RAP1GAP2: variants seen among roughly 807,000 people sequenced by gnomAD.
RAP1GAP2 encodes RAP1 GTPase activating protein 2.
Under a neutral mutation model 95.0 loss-of-function variants are expected in RAP1GAP2, and 27 were observed. The ratio of observed to expected loss-of-function variants is 0.28; its 90% CI spans 0.21 to 0.39. RAP1GAP2 has a LOEUF of 0.39. Ranked by LOEUF, RAP1GAP2 falls within the 10% of genes least tolerant of loss-of-function variation. RAP1GAP2 has a pLI of 1.00. For missense variants in RAP1GAP2, 771 were observed against 970.0 expected (o/e 0.79, Z 2.72); for synonymous variants, 373 against 380.9 (o/e 0.98, Z 0.24).
chr17:2,827,024 AAGAAAGAAAGAGAGAG>A lies in RAP1GAP2; in HGVS notation c.80+26486_80+26501del, dbSNP rs1250202066. Among the ~76,000 whole-genome samples, 1 of 146,022 alleles carries A rather than the reference AAGAAAGAAAGAGAGAG, an allele frequency of 6.8e-6. No homozygotes were observed. The highest frequency in any genetic ancestry group is 1.5e-5 in the Non-Finnish European group (1 of 67,870). ...CGTTTCGAGAGAGAGAGAGGAGAGAAAGAAAGAAAGAGAGAGAGAAAGAAAGAAAGAGAAAGTCCCA... is the reference window on the plus strand; with the variant it reads ...CGTTTCGAGAGAGAGAGAGGAGAGAAAGAAAGAAAGAAAGAGAAAGTCCCA... On this transcript the variant is annotated intron_variant, in intron 2 of 24. Coordinates refer to ENST00000254695, the MANE Select transcript of RAP1GAP2 (RefSeq NM_015085.5). This position sits in a 1 kb window ranked among gnomAD's most constrained non-coding sequence, Gnocchi z 4.1.
At position 2,897,111 on chromosome 17, in the gene RAP1GAP2, T is replaced by C. The variant is rs1041961275; in HGVS notation, c.81-8173T>C. On this transcript the variant is annotated intron_variant, in intron 2 of 24. Coordinates refer to ENST00000254695, the MANE Select transcript of RAP1GAP2 (RefSeq NM_015085.5). ...CAGCGCTTTGGGAGGCTGAGGCGGG[T>C]AGATCGCCTGAGGTCAGGAGTTCGA... Among the ~76,000 whole-genome samples, 251 of 151,908 alleles carry C rather than the reference T, an allele frequency of 1.7e-3. 1 individual carries two copies. Among genetic ancestry groups the C allele is most frequent in the Non-Finnish European group, 1.6e-3 (106 of 67,908 alleles).
At chr17:2,924,894 G>A (rs776556243) in intron 3 of RAP1GAP2, among the ~76,000 whole-genome samples, 1 of 152,158 alleles carries the variant, frequency 6.6e-6, no homozygotes, top group Non-Finnish European at 1.5e-5. Flanking sequence ...GGGGCTAGTG[G>A]GTGGCCCAGG....
At chr17:2,900,139 C>T (rs1335173688) in intron 2 of RAP1GAP2, among the ~76,000 whole-genome samples, 1 of 152,138 alleles carries the variant, frequency 6.6e-6, no homozygotes, top group Non-Finnish European at 1.5e-5. Flanking sequence ...TTGGGAGAAC[C>T]CCGTGTGGAG....
Position 3,005,281 on chromosome 17 carries a change from G to T in RAP1GAP2, c.1201-88G>T. On this transcript the variant is annotated intron_variant, in intron 14 of 24. Coordinates refer to ENST00000254695, the MANE Select transcript of RAP1GAP2 (RefSeq NM_015085.5). This position sits in a 1 kb window ranked among gnomAD's most constrained non-coding sequence, Gnocchi z 5.2. ...TTCTGGGAAGAGGAGGAGGGAGAAGGTGAGTAGCTTTGTAAGGAGCGTGGC... is the reference window on the plus strand; with the variant it reads ...TTCTGGGAAGAGGAGGAGGGAGAAGTTGAGTAGCTTTGTAAGGAGCGTGGC... 7.9e-7 allele frequency: 1 copy of T among 1,262,246 alleles called. No homozygotes were observed. Among genetic ancestry groups the T allele is most frequent in the Non-Finnish European group, 1.2e-6 (1 of 859,280 alleles). The allele number at this position is 1,262,246 out of a possible 1,614,324, so 78.2% of individuals were successfully genotyped here. A position where few individuals can be genotyped will look rare whatever the true frequency, so the allele number is the denominator to read the frequency against.
intron 3 of RAP1GAP2, among the ~76,000 whole-genome samples, chr17:2,927,355 G>A (rs546200797): frequency 4.6e-3 from 702 of 151,444 alleles, no homozygotes; most frequent in East Asian, 6.9e-3. Context: ...GGGTTTCACC[G>A]TGTTAGCCAG....
At position 2,797,564 on chromosome 17, in the gene RAP1GAP2, G is replaced by T; in HGVS notation, c.44+993G>T. On this transcript the variant is annotated intron_variant, in intron 1 of 24. Coordinates refer to ENST00000254695, the MANE Select transcript of RAP1GAP2 (RefSeq NM_015085.5). This position sits in a 1 kb window ranked among gnomAD's most constrained non-coding sequence, Gnocchi z 5.6. ...TGGCACGAAGGGCGAGGGGGAGAGG[G>T]GCTGTGTTCCTCGGTAATTTTTCGC... The T allele has an allele frequency of 6.1e-6, 2 of 330,228 alleles. No homozygotes were observed. Among genetic ancestry groups the T allele is most frequent in the South Asian group, 2.4e-4 (2 of 8,236 alleles). 20.5% of individuals were successfully genotyped at this position (330,228 alleles called of 1,614,324 possible).
Position 2,942,935 on chromosome 17 carries a change from A to C in RAP1GAP2, c.166-14824A>C, listed in dbSNP as rs1402299073. On this transcript the variant is annotated intron_variant, in intron 3 of 24. Coordinates refer to ENST00000254695, the MANE Select transcript of RAP1GAP2 (RefSeq NM_015085.5). Reference sequence around the variant, plus strand: ...GGCACTCACCACCCACGCCTAGCTAATTTTTGTATTTTTAGTAGAGATGGG... The same window carrying C: ...GGCACTCACCACCCACGCCTAGCTACTTTTTGTATTTTTAGTAGAGATGGG... 2.0e-5 allele frequency among the ~76,000 whole-genome samples: 3 copies of C among 151,790 alleles called. No homozygotes were observed. The East Asian group carries it at 5.8e-4, about 29-fold the overall frequency.
intron 2 of RAP1GAP2, among the ~76,000 whole-genome samples, chr17:2,810,405 C>T (rs1211406249): frequency 1.3e-5 from 2 of 150,350 alleles, no homozygotes; most frequent in East Asian, 4.0e-4. Flanking sequence ...TACATGTGCA[C>T]AACATGCAGG....
At chr17:3,017,957 A>T in intron 17 of RAP1GAP2, 104 bp from the exon 18 acceptor site, 1 of 1,078,142 alleles carries the variant, frequency 9.3e-7, no homozygotes, top group Non-Finnish European at 1.3e-6. Context: ...GTATGTGTGC[A>T]CGCATACGTG....
chr17:2,995,307 TC>T, intron 12 of RAP1GAP2, 29 bp from the exon 13 acceptor site: 1 of 1,608,910 alleles, frequency 6.2e-7, no homozygotes, highest in Non-Finnish European at 8.5e-7. Flanking sequence ...CTCTCTTTTC[TC>T]CCCATCTCCT....
At chr17:2,887,572 A>T (rs1359026835) in intron 2 of RAP1GAP2, among the ~76,000 whole-genome samples, 1 of 147,502 alleles carries the variant, frequency 6.8e-6, no homozygotes, top group African/African-American at 2.5e-5. Context: ...AATGGGTTTC[A>T]CCATGTTAGC....
At chr17:2,914,651 C>T (rs925344298) in intron 3 of RAP1GAP2, among the ~76,000 whole-genome samples, 15 of 151,736 alleles carry the variant, frequency 9.9e-5, no homozygotes, top group African/African-American at 2.2e-4. Context: ...CCACCACGCC[C>T]GGCAAATTTT....
intron 2 of RAP1GAP2, among the ~76,000 whole-genome samples, chr17:2,896,057 G>A (rs944321783): frequency 6.6e-6 from 1 of 152,076 alleles, no homozygotes; most frequent in Non-Finnish European, 1.5e-5. Context: ...GCCTAGATCA[G>A]CCGTTGCCTC....
intron 3 of RAP1GAP2, among the ~76,000 whole-genome samples, chr17:2,905,789 C>T (rs573711112): frequency 3.4e-4 from 52 of 152,276 alleles, no homozygotes; most frequent in East Asian, 1.9e-4. Context: ...GGCCTGTTCA[C>T]GGCAGTCCCC....
rs181583366 is a variant in RAP1GAP2 at position 3,025,339 on chromosome 17, T to C, written c.1752-669T>C. ...TTGCAGCAATCCAAGATCGCACCACTGCACTCCAGCCTGGGCAACAGAGCG... is the reference window on the plus strand; with the variant it reads ...TTGCAGCAATCCAAGATCGCACCACCGCACTCCAGCCTGGGCAACAGAGCG... On this transcript the variant is annotated intron_variant, in intron 19 of 24. Transcript: ENST00000254695. Among the ~76,000 whole-genome samples, 8 of 152,302 alleles carry C rather than the reference T, an allele frequency of 5.3e-5. No individual in the cohort carries two copies. In the East Asian group the frequency reaches 9.6e-4, roughly 18 times the overall value.
chr17:2,956,873 A>T (rs1294456648), intron 3 of RAP1GAP2, among the ~76,000 whole-genome samples: 1 of 152,210 alleles, frequency 6.6e-6, no homozygotes, highest in Non-Finnish European at 1.5e-5. Context: ...TCACGCCTGT[A>T]ATCCCAGCAC....
At chr17:2,915,525 G>A (rs1443920627) in intron 3 of RAP1GAP2, among the ~76,000 whole-genome samples, 10 of 151,978 alleles carry the variant, frequency 6.6e-5, no homozygotes, top group Non-Finnish European at 1.5e-4. Flanking sequence ...GTGAGCCAAC[G>A]CGCCTGGCCC....
chr17:2,966,239 A>T (rs2044593491), intron 8 of RAP1GAP2, among the ~76,000 whole-genome samples: 1 of 152,236 alleles, frequency 6.6e-6, no homozygotes, highest in African/African-American at 2.4e-5. Context: ...TGTACCAGGA[A>T]CTGCGATAGG....
At chr17:2,973,062 G>T (rs2044942847) in intron 8 of RAP1GAP2, among the ~76,000 whole-genome samples, 1 of 152,182 alleles carries the variant, frequency 6.6e-6, no homozygotes, top group South Asian at 2.1e-4. Flanking sequence ...AGGCAATGTG[G>T]AGGGTGTGTC....
Sources: allele counts gnomAD v4.1 joint callset (sites outside exome capture counted in the v4.1 genomes callset), GRCh38; gene constraint gnomAD v4.1.1; non-coding constraint Gnocchi (gnomAD v3.1); transcripts MANE v1.5; gene names NCBI Gene and HGNC (gene_info 2026-07-23, HGNC 2026-07-21).